Variants in MGAM observed in about 807,000 individuals in gnomAD.
The protein encoded by MGAM is alpha-1,4-glucosidase.
MGAM carries 253 observed loss-of-function variants against 358.8 expected under a neutral mutation model. The observed-to-expected ratio is 0.71, with a 90% CI of 0.64 to 0.78. The LOEUF is 0.78. Ranked by LOEUF, MGAM falls within the 30% of genes least tolerant of loss-of-function variation. MGAM has a pLI of 0.00. For missense variants in MGAM, 3,080 were observed against 3,432.6 expected, an observed-to-expected ratio of 0.90 and a Z score of 2.57; for synonymous variants, 1,105 against 1,227.1, an observed-to-expected ratio of 0.90 and a Z score of 2.08.
intron 3 of MGAM, among the ~76,000 whole-genome samples, chr7:142,013,126 A>AT (rs113879870): frequency 0.038 from 5,662 of 150,318 alleles, 340 homozygotes; most frequent in African/African-American, 0.13. Flanking sequence ...AGGAATGCTT[A>AT]TTTTTTTTTT....
At chr7:142,028,203 G>T (rs1040793514) in intron 10 of MGAM, among the ~76,000 whole-genome samples, 1 of 152,118 alleles carries the variant, frequency 6.6e-6, no homozygotes, top group Non-Finnish European at 1.5e-5. Flanking sequence ...TACCATAAAA[G>T]TTGTATCATA....
chr7:142,032,866 A>G lies in MGAM; in HGVS notation c.1626A>G (p.Ser542=). ...EVSNFVDGSV[S]GCSTNNLNNP... ...CCAACTTTGTTGATGGTTCGGTCTC[A>G]GGATGTTCCACAAACAACCTAAATA... is the stretch of plus-strand genomic sequence containing the variant. Residue 542 remains serine, a synonymous_variant, in exon 14 of 71, where the codon TCA becomes TCG. Transcript: ENST00000475668. 2 of 1,611,266 alleles carry G rather than the reference A, an allele frequency of 1.2e-6. No individual in the cohort carries two copies. The highest frequency in any genetic ancestry group is 8.5e-7 in the Non-Finnish European group (1 of 1,178,564).
chr7:141,994,721 T>A (rs186544074), upstream of MGAM, among the ~76,000 whole-genome samples: 11 of 152,274 alleles, frequency 7.2e-5, no homozygotes, highest in South Asian at 1.0e-3. Context: ...GCTGTTCTCA[T>A]GATAGTGGGT....
At chr7:142,025,986 A>G (rs1230432752) in intron 8 of MGAM, among the ~76,000 whole-genome samples, 1 of 152,228 alleles carries the variant, frequency 6.6e-6, no homozygotes, top group Non-Finnish European at 1.5e-5. Flanking sequence ...AGTTTTAGAT[A>G]GGTGAAAGGA....
At chr7:142,094,288 G>A in intron 60 of MGAM, 76 bp from the exon 61 acceptor site, 1 of 1,452,420 alleles carries the variant, frequency 6.9e-7, no homozygotes, top group Middle Eastern at 2.4e-4. Flanking sequence ...AGGCTCAAGG[G>A]CTCTGGGAGC....
At chr7:142,038,666 G>A in intron 19 of MGAM, 51 bp downstream of exon 19, 1 of 1,362,104 alleles carries the variant, frequency 7.3e-7, no homozygotes, top group Non-Finnish European at 1.0e-6. Context: ...TGTATCTGCT[G>A]CCCTGCAAAC....
intron 50 of MGAM, 136 bp downstream of exon 50, chr7:142,081,081 G>T (rs1258574544): frequency 2.2e-6 from 2 of 889,720 alleles, no homozygotes; most frequent in African/African-American, 3.2e-5. Flanking sequence ...GTTTCCTTCA[G>T]ACCTATTCTT....
chr7:142,039,629 A>G (rs2129010773), intron 19 of MGAM, among the ~76,000 whole-genome samples: 1 of 152,230 alleles, frequency 6.6e-6, no homozygotes, highest in East Asian at 1.9e-4. Flanking sequence ...TTCTCATAGC[A>G]GATCCTGACT....
intron 34 of MGAM, 118 bp downstream of exon 34, chr7:142,060,491 G>C (rs1445608673): frequency 1.6e-6 from 2 of 1,249,768 alleles, no homozygotes; most frequent in Non-Finnish European, 2.3e-6. Flanking sequence ...GAAACACTTA[G>C]GTGATGTGTC....
At chr7:142,093,663 A>C (rs1182539464) in intron 60 of MGAM, 113 bp downstream of exon 60, 299 of 1,154,904 alleles carry the variant, frequency 2.6e-4, no homozygotes, top group Middle Eastern at 3.9e-4. Context: ...GAAGATTCTC[A>C]TGACAACTGT....
Position 142,076,189 on chromosome 7 carries a change from T to C in MGAM, c.5276-14T>C. The stretch of plus-strand genomic sequence containing the variant: ...GGCAAGCCGGAGTCTGACTTGTCTT[T>C]CTGTCACTTTCAGATACTGTGGCCA... On this transcript the variant is annotated splice_polypyrimidine_tract_variant and intron_variant, in intron 45 of 70. Transcript: ENST00000475668. The C allele has an allele frequency of 6.5e-7, 1 of 1,539,384 alleles. No homozygotes were observed. The highest frequency in any genetic ancestry group is 1.1e-5 in the South Asian group (1 of 88,946).
intron 17 of MGAM, 102 bp from the exon 18 acceptor site, chr7:142,036,721 A>G (rs1554465977): frequency 2.2e-5 from 29 of 1,305,002 alleles, no homozygotes; most frequent in Non-Finnish European, 3.1e-5. Flanking sequence ...TCTGTCATTC[A>G]GGAGGGAAAT....
Position 142,040,179 on chromosome 7 carries a change from G to C in MGAM, c.2373+8G>C, listed in dbSNP as rs1808375285. The C allele has an allele frequency of 6.2e-7, 1 of 1,607,792 alleles. No homozygotes were observed. The highest frequency in any genetic ancestry group is 1.7e-5 in the Admixed American group (1 of 59,730). ...TGGTATGACTACGAGACTGTAAGTAGCTTTGACTTTTCTTCTACTCCTTAA... is the reference window on the plus strand; with the variant it reads ...TGGTATGACTACGAGACTGTAAGTACCTTTGACTTTTCTTCTACTCCTTAA... On this transcript the variant is annotated splice_region_variant and intron_variant, in intron 20 of 70. Transcript: ENST00000475668.
chr7:141,999,040 G>A (rs1554449814), intron 1 of MGAM, among the ~76,000 whole-genome samples: 1 of 151,620 alleles, frequency 6.6e-6, no homozygotes, highest in Non-Finnish European at 1.5e-5. Context: ...TATTTATTTT[G>A]TTTATTGTCT....
In MGAM at chr7:142,036,275, A is replaced by G. The variant is rs1807985574; in HGVS notation, c.2066A>G (p.Gln689Arg). The change falls in exon 17 of 71, where the codon CAA becomes CGA. Residue 689 changes from glutamine (Q) to arginine (R), a missense_variant. This residue lies in a region of MGAM where 1,816 missense variants were observed against 1,840.5 expected (regional missense o/e 0.99). Coordinates refer to ENST00000475668, the MANE Select transcript of MGAM (RefSeq NM_001365693.1). ...CCGTTTTCTAGAAATCACAATGGCC[A>G]AGGCTACAAGGTAAGGCTCCTAGGA... ...FYPFSRNHNG[Q>R]GYKDQDPASF... 3.7e-6 allele frequency: 6 copies of G among 1,603,618 alleles called. No homozygotes were observed. In the East Asian group the frequency reaches 1.1e-4, roughly 30 times the overall value.
In MGAM at chr7:142,027,147, T is replaced by C. The variant is rs1554461201; in HGVS notation, c.1015T>C (p.Tyr339His). 6.2e-7 allele frequency: 1 copy of C among 1,613,738 alleles called. No individual in the cohort carries two copies. Among genetic ancestry groups the C allele is most frequent in the Admixed American group, 1.7e-5 (1 of 60,012 alleles). ...VVLQPAPAITYRTIGGILDFY... is the reference protein window; with the variant it reads ...VVLQPAPAITHRTIGGILDFY... ...CCTTCAGCCTGCGCCAGCCATCACTTACCGCACCATTGGGGGCATTCTCGA... is the reference window on the plus strand; with the variant it reads ...CCTTCAGCCTGCGCCAGCCATCACTCACCGCACCATTGGGGGCATTCTCGA... The change falls in exon 9 of 71, where the codon TAC (tyrosine) becomes CAC (histidine). Residue 339 changes from tyrosine (Y) to histidine (H), a missense_variant. Coordinates refer to ENST00000475668, the MANE Select transcript of MGAM (RefSeq NM_001365693.1).
At chr7:142,095,422 T>G in intron 63 of MGAM, 143 bp from the exon 64 acceptor site, 1 of 1,223,558 alleles carries the variant, frequency 8.2e-7, no homozygotes, top group Non-Finnish European at 1.1e-6. Context: ...TCCAGTCTAT[T>G]AAGAATATTC....
intron 45 of MGAM, among the ~76,000 whole-genome samples, chr7:142,074,781 AAATT>A (rs1046925216): frequency 1.4e-5 from 2 of 146,610 alleles, no homozygotes; most frequent in African/African-American, 4.9e-5. Flanking sequence ...TGTAGATTAA[AAATT>A]AATTATTTAT....
intron 34 of MGAM, among the ~76,000 whole-genome samples, chr7:142,062,076 T>C (rs1385401356): frequency 1.3e-5 from 2 of 152,242 alleles, no homozygotes; most frequent in Non-Finnish European, 2.9e-5. Context: ...TCTGAAATCG[T>C]AGAAAACACT....
Sources: gnomAD v4.1 joint callset for allele counts (sites outside exome capture counted in the v4.1 genomes callset) on GRCh38, gnomAD v4.1.1 for gene constraint, gnomAD v4.1.1 regional missense constraint, MANE v1.5 for transcripts, NCBI Gene and HGNC (gene_info 2026-07-23, HGNC 2026-07-21) for gene names.